The following REDIC1 variants were observed in gnomAD, a reference collection of about 807,000 sequenced individuals.
REDIC1 encodes HEI10 Interacting Protein 1.
At chr12:39,711,301 T>A in the REDIC1 span, among the ~76,000 whole-genome samples, 1 of 147,044 alleles carries the variant, frequency 6.8e-6, no homozygotes, top group Non-Finnish European at 1.5e-5. Flanking sequence ...ATATATAACA[T>A]ATATGTGTAT....
the REDIC1 span, among the ~76,000 whole-genome samples, chr12:39,703,201 A>C: frequency 6.6e-6 from 1 of 152,090 alleles, no homozygotes; most frequent in Admixed American, 6.6e-5. Flanking sequence ...TCTCAGCCCA[A>C]AATCTCCTTA....
the REDIC1 span, among the ~76,000 whole-genome samples, chr12:39,699,344 G>T: frequency 1.3e-5 from 2 of 152,186 alleles, no homozygotes; most frequent in Non-Finnish European, 2.9e-5. Flanking sequence ...GTGACAGACG[G>T]CACCTGGAAG....
At chr12:39,711,596 T>C in the REDIC1 span, among the ~76,000 whole-genome samples, 5 of 125,902 alleles carry the variant, frequency 4.0e-5, no homozygotes, top group Admixed American at 1.6e-4. Context: ...TGTGTATATG[T>C]GTATACACAT....
the REDIC1 span, chr12:39,720,698 G>A: frequency 2.0e-6 from 2 of 1,002,888 alleles, no homozygotes; most frequent in Non-Finnish European, 3.0e-6. Flanking sequence ...TTCTATAGTT[G>A]GGATTTTAAG....
chr12:39,687,343 C>T, the REDIC1 span, among the ~76,000 whole-genome samples: 15 of 152,304 alleles, frequency 9.8e-5, no homozygotes, highest in East Asian at 1.9e-4. Context: ...AATTGGCTCA[C>T]GGTTTCACAT....
chr12:39,699,601 A>T, the REDIC1 span, among the ~76,000 whole-genome samples: 3 of 152,228 alleles, frequency 2.0e-5, no homozygotes, highest in Non-Finnish European at 4.4e-5. Context: ...AGCCCACCAC[A>T]GCTCAAGGAG....
the REDIC1 span, among the ~76,000 whole-genome samples, chr12:39,804,125 G>A: frequency 6.6e-6 from 1 of 151,456 alleles, no homozygotes. Flanking sequence ...AGAGTGGTGG[G>A]GAAAAAAACA....
At chr12:39,899,233 T>C in the REDIC1 span, among the ~76,000 whole-genome samples, 1 of 152,186 alleles carries the variant, frequency 6.6e-6, no homozygotes, top group Non-Finnish European at 1.5e-5. Context: ...TCGAGGAATT[T>C]ATCCATTTCT....
chr12:39,693,654 G>C, the REDIC1 span, among the ~76,000 whole-genome samples: 1 of 151,970 alleles, frequency 6.6e-6, no homozygotes, highest in East Asian at 1.9e-4. Context: ...CCATTTAGTA[G>C]TCCATTACAT....
the REDIC1 span, among the ~76,000 whole-genome samples, chr12:39,692,658 G>A: frequency 1.3e-5 from 2 of 151,314 alleles, no homozygotes; most frequent in Non-Finnish European, 3.0e-5. Context: ...CACAATTTAT[G>A]TATCTTCTAA....
chr12:39,661,741 G>A, the REDIC1 span, among the ~76,000 whole-genome samples: 1 of 151,874 alleles, frequency 6.6e-6, no homozygotes, highest in Admixed American at 6.6e-5. Flanking sequence ...CCAATGTCCT[G>A]GAGTGTTTCT....
the REDIC1 span, among the ~76,000 whole-genome samples, chr12:39,839,707 T>C: frequency 3.3e-5 from 5 of 152,026 alleles, no homozygotes; most frequent in Non-Finnish European, 7.4e-5. Flanking sequence ...CTTTCATTGC[T>C]TTGCTGGGAA....
At chr12:39,654,347 G>T in the REDIC1 span, among the ~76,000 whole-genome samples, 1 of 151,936 alleles carries the variant, frequency 6.6e-6, no homozygotes, top group Non-Finnish European at 1.5e-5. Context: ...CAGCACTTTG[G>T]GAGGCCAAGG....
the REDIC1 span, among the ~76,000 whole-genome samples, chr12:39,693,721 C>G: frequency 2.0e-5 from 3 of 151,954 alleles, no homozygotes; most frequent in African/African-American, 7.3e-5. Context: ...GGGCTATTTC[C>G]AGTATATTTT....
the REDIC1 span, among the ~76,000 whole-genome samples, chr12:39,866,862 C>T: frequency 6.6e-6 from 1 of 152,114 alleles, no homozygotes. Flanking sequence ...CACAGCAAGC[C>T]TTCAAAATAA....
chr12:39,639,052 C>T, the REDIC1 span, among the ~76,000 whole-genome samples: 1 of 151,958 alleles, frequency 6.6e-6, no homozygotes, highest in Non-Finnish European at 1.5e-5. Flanking sequence ...ATATTGCCAG[C>T]TCTGTTATAC....
the REDIC1 span, among the ~76,000 whole-genome samples, chr12:39,673,348 T>G: frequency 6.6e-6 from 1 of 152,218 alleles, no homozygotes; most frequent in Non-Finnish European, 1.5e-5. Context: ...CCCCTGTTAT[T>G]TCATTTTAGT....
the REDIC1 span, among the ~76,000 whole-genome samples, chr12:39,668,290 T>G: frequency 1.2e-4 from 18 of 152,156 alleles, no homozygotes; most frequent in African/African-American, 4.3e-4. Context: ...AGCATTTGCT[T>G]GTCTGTAAAG....
the REDIC1 span, chr12:39,684,222 CT>C: frequency 9.9e-7 from 1 of 1,009,574 alleles, no homozygotes; most frequent in Non-Finnish European, 1.2e-6. Flanking sequence ...GCCTTCCAGG[CT>C]TTTCTGAATA....
Sources: gnomAD v4.1 joint callset for allele counts (sites outside exome capture counted in the v4.1 genomes callset) on GRCh38, gnomAD v4.1.1 for gene constraint, MANE v1.5 for transcripts, NCBI Gene and HGNC (gene_info 2026-07-23, HGNC 2026-07-21) for gene names.